Variants in PAQR5 observed in about 807,000 individuals in gnomAD.
PAQR5 encodes progestin and adipoQ receptor family member 5.
In PAQR5, 20 loss-of-function variants were observed where a neutral mutation model predicts 34.5. That is an observed-to-expected ratio of 0.58 (90% CI 0.41 to 0.84). The LOEUF is 0.84. Among genes scored for constraint, PAQR5 ranks in the 40% least tolerant of loss-of-function variants. PAQR5 has a pLI of 0.00. For missense variants in PAQR5, 378 were observed against 412.7 expected, an observed-to-expected ratio of 0.92 and a Z score of 0.73; for synonymous variants, 131 against 155.6, an observed-to-expected ratio of 0.84 and a Z score of 1.18.
chr15:69,393,742 C>T (rs1388119524), intron 6 of PAQR5, among the ~76,000 whole-genome samples: 2 of 152,134 alleles, frequency 1.3e-5, no homozygotes, highest in East Asian at 3.9e-4. Context: ...TGATGCTTGC[C>T]CGAAAATCAG....
chr15:69,388,942 C>G (rs932429993), intron 5 of PAQR5, among the ~76,000 whole-genome samples: 3 of 152,192 alleles, frequency 2.0e-5, no homozygotes, highest in Non-Finnish European at 4.4e-5. Flanking sequence ...ACACCTGGCC[C>G]CTTTGAAAAG....
At chr15:69,349,933 T>G (rs2054870718) in intron 2 of PAQR5, among the ~76,000 whole-genome samples, 1 of 151,974 alleles carries the variant, frequency 6.6e-6, no homozygotes, top group Admixed American at 6.6e-5. Context: ...TGAGCCACGG[T>G]GCCCAGCCTT....
chr15:69,406,217 G>C lies in PAQR5; in HGVS notation c.*2395G>C, dbSNP rs937525114. 2.0e-5 allele frequency: 3 copies of C among 152,238 alleles called. No homozygotes were observed. Among genetic ancestry groups the C allele is most frequent in the Admixed American group, 1.3e-4 (2 of 15,296 alleles). The allele number at this position is 152,238 out of a possible 1,614,324, so 9.4% of individuals were successfully genotyped here. Reference sequence around the variant, plus strand: ...GTCTCAAAAAAGACTATGGTGGGGAGGGTGGCACATTCCTAATGGGATGTA... The same window carrying C: ...GTCTCAAAAAAGACTATGGTGGGGACGGTGGCACATTCCTAATGGGATGTA... On this transcript the variant is annotated 3_prime_UTR_variant, in exon 9 of 9. Coordinates refer to ENST00000395407, the MANE Select transcript of PAQR5 (RefSeq NM_017705.4).
rs1018154191 is a variant in PAQR5 at position 69,385,400 on chromosome 15, T to C, written c.385+518T>C. Among the ~76,000 whole-genome samples the C allele has an allele frequency of 6.6e-6, 1 of 152,202 alleles. No individual in the cohort carries two copies. The highest frequency in any genetic ancestry group is 2.4e-5 in the African/African-American group (1 of 41,430). Reference sequence around the variant, plus strand: ...AGTACATCAGTGCTGGTCTCTGTCATGCCAGGCAAGAAGAGGAGGGTGAGG... The same window carrying C: ...AGTACATCAGTGCTGGTCTCTGTCACGCCAGGCAAGAAGAGGAGGGTGAGG... On this transcript the variant is annotated intron_variant, in intron 5 of 8. Transcript: ENST00000395407. The surrounding 1 kb of genome is among the most constrained non-coding windows in gnomAD (Gnocchi z 4.7).
intron 5 of PAQR5, among the ~76,000 whole-genome samples, chr15:69,386,295 ACGCT>A (rs1331741695): frequency 6.6e-6 from 1 of 151,134 alleles, no homozygotes; most frequent in African/African-American, 2.4e-5. Flanking sequence ...CACCACACAC[ACGCT>A]CACTCACACA....
Position 69,384,529 on chromosome 15 carries a change from G to A in PAQR5, c.180-148G>A, listed in dbSNP as rs1374509685. 704 of 475,656 alleles carry A rather than the reference G, an allele frequency of 1.5e-3. 126 individuals carry two copies. The highest frequency in any genetic ancestry group is 3.3e-3 in the South Asian group (143 of 42,692). 29.5% of individuals were successfully genotyped at this position (475,656 alleles called of 1,614,324 possible). A position where few individuals can be genotyped will look rare whatever the true frequency, so the allele number is the denominator to read the frequency against. Reference sequence around the variant, plus strand: ...GGGCCCTCCGTGTTCATGGTGGAGGGTGAGTGGGCCCTCCGTGTTCATCAT... The same window carrying A: ...GGGCCCTCCGTGTTCATGGTGGAGGATGAGTGGGCCCTCCGTGTTCATCAT... On this transcript the variant is annotated intron_variant, in intron 4 of 8. Coordinates refer to ENST00000395407, the MANE Select transcript of PAQR5 (RefSeq NM_017705.4).
chr15:69,302,315 T>C (rs1315382223), intron 1 of PAQR5, among the ~76,000 whole-genome samples: 4 of 152,232 alleles, frequency 2.6e-5, no homozygotes, highest in Admixed American at 2.0e-4. Context: ...TCAAGCGATC[T>C]GTCTGCCTCT....
intron 2 of PAQR5, among the ~76,000 whole-genome samples, chr15:69,359,471 G>C (rs941775399): frequency 6.6e-6 from 1 of 152,084 alleles, no homozygotes; most frequent in Non-Finnish European, 1.5e-5. Flanking sequence ...AAGGGGGTGC[G>C]TGTGAGAGGG....
At chr15:69,358,817 T>A (rs1183816359) in intron 2 of PAQR5, among the ~76,000 whole-genome samples, 1 of 151,980 alleles carries the variant, frequency 6.6e-6, no homozygotes, top group Non-Finnish European at 1.5e-5. Flanking sequence ...GGTCTCACTA[T>A]ATCACCCAGG....
intron 2 of PAQR5, among the ~76,000 whole-genome samples, chr15:69,358,633 ATTT>A (rs71149910): frequency 2.4e-5 from 2 of 84,466 alleles, no homozygotes; most frequent in African/African-American, 9.6e-5. Flanking sequence ...GCTCTGTGGC[ATTT>A]TTTTTTTTTT....
intron 2 of PAQR5, among the ~76,000 whole-genome samples, chr15:69,356,893 G>A (rs182985158): frequency 1.6e-3 from 246 of 152,198 alleles, no homozygotes; most frequent in Non-Finnish European, 2.9e-3. Flanking sequence ...TTGTCCCTGC[G>A]CAAGTCTCAT....
chr15:69,319,158 CATAT>C (rs869082537), intron 1 of PAQR5, among the ~76,000 whole-genome samples: 156 of 4,036 alleles, frequency 0.039, no homozygotes, highest in African/African-American at 0.047. Context: ...TAAATATATA[CATAT>C]ATATATATAT....
rs1275912205 is a variant in PAQR5, at chr15:69,385,058, G to T, written c.385+176G>T. Among the ~76,000 whole-genome samples, 1 of 152,206 alleles carries T rather than the reference G, an allele frequency of 6.6e-6. No individual in the cohort carries two copies. The highest frequency in any genetic ancestry group is 1.5e-5 in the Non-Finnish European group (1 of 68,042). On this transcript the variant is annotated intron_variant, in intron 5 of 8. Coordinates refer to ENST00000395407, the MANE Select transcript of PAQR5 (RefSeq NM_017705.4). This position sits in a 1 kb window ranked among gnomAD's most constrained non-coding sequence, Gnocchi z 4.7. The stretch of plus-strand genomic sequence containing the variant: ...TTTATAAGAAACTGTCCATAAGCAT[G>T]CTGCTAAATATTTAGCCACTGGCTC...
chr15:69,393,085 G>C (rs1376190982), intron 6 of PAQR5, among the ~76,000 whole-genome samples: 2 of 152,168 alleles, frequency 1.3e-5, no homozygotes, highest in Non-Finnish European at 1.5e-5. Context: ...ACTGAAGTGG[G>C]AGCTGAGGGG....
In PAQR5 at chr15:69,404,032, A is replaced by G; in HGVS notation, c.*210A>G. 3 of 547,732 alleles carry G rather than the reference A, an allele frequency of 5.5e-6. No individual in the cohort carries two copies. Among genetic ancestry groups the G allele is most frequent in the Non-Finnish European group, 9.6e-6 (3 of 313,330 alleles). 33.9% of individuals were successfully genotyped at this position (547,732 alleles called of 1,614,324 possible). A position where few individuals can be genotyped will look rare whatever the true frequency, so the allele number is the denominator to read the frequency against. ...GTGTGTGTGATTTTAAAAGGAGAAT[A>G]TGGTTCAAGCAAGTCCTTGTTAAGG... is the stretch of plus-strand genomic sequence containing the variant. On this transcript the variant is annotated 3_prime_UTR_variant, in exon 9 of 9. Coordinates refer to ENST00000395407, the MANE Select transcript of PAQR5 (RefSeq NM_017705.4).
intron 3 of PAQR5, among the ~76,000 whole-genome samples, chr15:69,369,974 T>C (rs941747486): frequency 6.6e-6 from 1 of 152,184 alleles, no homozygotes; most frequent in African/African-American, 2.4e-5. Context: ...CCCTCTGTTT[T>C]GGGGCTTTGT....
chr15:69,306,603 C>T (rs537089042), intron 1 of PAQR5, among the ~76,000 whole-genome samples: 1 of 152,056 alleles, frequency 6.6e-6, no homozygotes, highest in East Asian at 1.9e-4. Flanking sequence ...CAAGGTTTCA[C>T]CATGTTGGCC....
At position 69,353,096 on chromosome 15, in the gene PAQR5, C is replaced by T. The variant is rs146304607; in HGVS notation, c.-115-6870C>T. 9.4e-4 allele frequency among the ~76,000 whole-genome samples: 143 copies of T among 152,306 alleles called. 1 individual carries two copies. Among genetic ancestry groups the T allele is most frequent in the Middle Eastern group, 3.4e-3 (1 of 294 alleles). The stretch of plus-strand genomic sequence containing the variant: ...GGCAGGGATGGAGGTTATGCACTGG[C>T]TCAGCAACATTGACTTCCACTCACT... On this transcript the variant is annotated intron_variant, in intron 2 of 8. Transcript: ENST00000395407.
At chr15:69,373,298 C>T (rs1335194877) in intron 3 of PAQR5, among the ~76,000 whole-genome samples, 1 of 152,018 alleles carries the variant, frequency 6.6e-6, no homozygotes, top group Non-Finnish European at 1.5e-5. Context: ...CTAATATATT[C>T]ACTGGTTCTG....
Sources: gnomAD v4.1 joint callset for allele counts (sites outside exome capture counted in the v4.1 genomes callset) on GRCh38, gnomAD v4.1.1 for gene constraint, Gnocchi (gnomAD v3.1) non-coding constraint, MANE v1.5 for transcripts, NCBI Gene and HGNC (gene_info 2026-07-23, HGNC 2026-07-21) for gene names.